ME3: variants seen among roughly 807,000 people sequenced by gnomAD.
The protein encoded by ME3 is malic enzyme 3, also known as NADP-dependent malic enzyme, mitochondrial.
ME3 carries 48 observed loss-of-function variants against 68.9 expected under a neutral mutation model. The ratio of observed to expected loss-of-function variants is 0.70; its 90% CI spans 0.55 to 0.89. The LOEUF (loss-of-function observed/expected upper bound fraction) is 0.89. Ranked by LOEUF, ME3 falls within the 40% of genes least tolerant of loss-of-function variation. ME3 has a pLI of 0.00. For synonymous variants in ME3, 320 were observed against 318.8 expected (o/e 1.00, Z -0.04); for missense variants, 675 against 797.4 (o/e 0.85, Z 1.85).
chr11:86,493,475 G>C (rs1320081504), intron 6 of ME3, among the ~76,000 whole-genome samples: 1 of 152,230 alleles, frequency 6.6e-6, no homozygotes, highest in African/African-American at 2.4e-5. Flanking sequence ...GTCAAACCTT[G>C]GGGAAGCGCT....
intron 2 of ME3, among the ~76,000 whole-genome samples, chr11:86,634,050 A>G (rs1219185529): frequency 1.3e-5 from 2 of 152,154 alleles, no homozygotes; most frequent in Non-Finnish European, 2.9e-5. Flanking sequence ...TGAGTCCCCA[A>G]ATCCCTCCCA....
At chr11:86,525,862 C>CAAAAAAAA (rs774590648) in intron 4 of ME3, among the ~76,000 whole-genome samples, 3 of 102,642 alleles carry the variant, frequency 2.9e-5, no homozygotes, top group African/African-American at 1.0e-4. Flanking sequence ...AACTCTGTCT[C>CAAAAAAAA]AAAAAAAAAA....
At chr11:86,461,436 A>G (rs1950218582) in intron 8 of ME3, among the ~76,000 whole-genome samples, 2 of 152,170 alleles carry the variant, frequency 1.3e-5, no homozygotes, top group African/African-American at 4.8e-5. Context: ...CTGGAAGAAG[A>G]TTCTGAGTTA....
chr11:86,589,242 TC>T (rs944590255), intron 2 of ME3, among the ~76,000 whole-genome samples: 5 of 152,120 alleles, frequency 3.3e-5, no homozygotes, highest in Non-Finnish European at 5.9e-5. Context: ...CAAGTCTGTC[TC>T]CCCATTTAAA....
At chr11:86,651,614 G>A (rs1329448250) in intron 2 of ME3, among the ~76,000 whole-genome samples, 4 of 152,224 alleles carry the variant, frequency 2.6e-5, no homozygotes, top group African/African-American at 9.6e-5. Context: ...CATCAAAGAC[G>A]AAAAAGTAGA....
chr11:86,672,254 G>T, intron 1 of ME3, 70 bp downstream of exon 1: 1 of 323,634 alleles, frequency 3.1e-6, no homozygotes. Flanking sequence ...AGGCGACTGC[G>T]CGGCGAGGGG....
chr11:86,545,268 A>G (rs951512413), intron 4 of ME3, among the ~76,000 whole-genome samples: 1 of 152,354 alleles, frequency 6.6e-6, no homozygotes, highest in Non-Finnish European at 1.5e-5. Context: ...CAAGACAAGG[A>G]TGCCCTCTTT....
intron 2 of ME3, among the ~76,000 whole-genome samples, chr11:86,594,670 C>G (rs1305285620): frequency 6.9e-6 from 1 of 145,612 alleles, no homozygotes; most frequent in Non-Finnish European, 1.5e-5. Flanking sequence ...ACAGCAAGAC[C>G]CTTTCTCAAA....
intron 4 of ME3, among the ~76,000 whole-genome samples, chr11:86,509,426 A>ACG (rs1953341162): frequency 7.2e-6 from 1 of 138,270 alleles, no homozygotes; most frequent in Non-Finnish European, 1.6e-5. Context: ...ACACACACAC[A>ACG]CACGCATGTG....
At chr11:86,595,593 G>C (rs949447834) in intron 2 of ME3, among the ~76,000 whole-genome samples, 3 of 152,128 alleles carry the variant, frequency 2.0e-5, no homozygotes, top group Non-Finnish European at 2.9e-5. Context: ...AAGAAGGATT[G>C]ATTGAGTGTC....
At chr11:86,461,232 G>A (rs1950210027) in intron 8 of ME3, among the ~76,000 whole-genome samples, 1 of 152,160 alleles carries the variant, frequency 6.6e-6, no homozygotes, top group African/African-American at 2.4e-5. Context: ...CTTTTGTCTG[G>A]CTGTGTGGCC....
At chr11:86,491,657 G>A (rs1952018242) in intron 6 of ME3, among the ~76,000 whole-genome samples, 1 of 152,198 alleles carries the variant, frequency 6.6e-6, no homozygotes, top group African/African-American at 2.4e-5. Context: ...GCAAGGGGTA[G>A]GAGTAGTAAC....
Position 86,573,624 on chromosome 11 carries a change from C to G in ME3, c.184-13801G>C, listed in dbSNP as rs528400704. Among the ~76,000 whole-genome samples the G allele has an allele frequency of 9.2e-5, 14 of 151,970 alleles. No homozygotes were observed. The South Asian group carries it at 2.1e-3, about 23-fold the overall frequency. ...CTTCCTATCTGAATACACTTTATTTCTTTCTCTTGTCTGATTGCCCTGGCC... is the reference window on the plus strand; with the variant it reads ...CTTCCTATCTGAATACACTTTATTTGTTTCTCTTGTCTGATTGCCCTGGCC... On this transcript the variant is annotated intron_variant, in intron 2 of 14. Transcript: ENST00000543262.
chr11:86,635,764 C>T (rs918186094), intron 2 of ME3, among the ~76,000 whole-genome samples: 11 of 152,182 alleles, frequency 7.2e-5, no homozygotes, highest in African/African-American at 2.4e-4. Flanking sequence ...ATTACCTGGT[C>T]TGTGATATTC....
At chr11:86,470,618 G>C (rs1385633226) in intron 7 of ME3, among the ~76,000 whole-genome samples, 1 of 152,162 alleles carries the variant, frequency 6.6e-6, no homozygotes, top group Non-Finnish European at 1.5e-5. Context: ...CATGTTCAAA[G>C]CTTATTTGAC....
intron 7 of ME3, among the ~76,000 whole-genome samples, chr11:86,470,367 C>T (rs1950718770): frequency 6.6e-6 from 1 of 152,106 alleles, no homozygotes. Flanking sequence ...AGTTGTCACC[C>T]AATGGAAAAC....
At chr11:86,485,104 C>T (rs563786674) in intron 7 of ME3, among the ~76,000 whole-genome samples, 2 of 152,270 alleles carry the variant, frequency 1.3e-5, no homozygotes, top group African/African-American at 4.8e-5. Context: ...TGTGAGACAG[C>T]CCTGATTTAT....
In ME3 at chr11:86,628,056, C is replaced by G. The variant is rs1485416701; in HGVS notation, c.183+43706G>C. ...AGACAGCAAAGAACAGCAACAGGTCCTGCCCTCTGGTGCAGATGATTCAAT... is the reference window on the plus strand; with the variant it reads ...AGACAGCAAAGAACAGCAACAGGTCGTGCCCTCTGGTGCAGATGATTCAAT... On this transcript the variant is annotated intron_variant, in intron 2 of 14. Coordinates refer to ENST00000543262, the Ensembl canonical transcript of ME3. 2.0e-5 allele frequency among the ~76,000 whole-genome samples: 3 copies of G among 152,236 alleles called. No individual in the cohort carries two copies. The East Asian group carries it at 5.8e-4, about 29-fold the overall frequency.
intron 2 of ME3, among the ~76,000 whole-genome samples, chr11:86,665,788 A>G (rs1235138465): frequency 6.6e-6 from 1 of 152,104 alleles, no homozygotes. Context: ...TTTAGTCTGA[A>G]GACAGGGTAA....
Sources: gnomAD v4.1 joint callset for allele counts (sites outside exome capture counted in the v4.1 genomes callset) on GRCh38, gnomAD v4.1.1 for gene constraint, MANE v1.5 for transcripts, NCBI Gene and HGNC (gene_info 2026-07-23, HGNC 2026-07-21) for gene names.